Variants in PRH1 observed in about 807,000 individuals in gnomAD.
The protein encoded by PRH1 is proline rich protein HaeIII subfamily 1.
PRH1 carries 7 observed loss-of-function variants against 7.9 expected under a neutral mutation model. The ratio of observed to expected loss-of-function variants is 0.89; its 90% confidence interval spans 0.50 to 1.67. The LOEUF (loss-of-function observed/expected upper bound fraction) is 1.67. PRH1 is among the 40% of genes most tolerant of loss of function. The probability of loss-of-function intolerance (pLI) is 0.00; values close to 1 mark genes in which losing one functional copy is unlikely to be tolerated. For missense variants in PRH1, 109 were observed against 223.6 expected (o/e 0.49, Z 3.27); for synonymous variants, 45 against 80.8 (o/e 0.56, Z 2.38).
intron 1 of PRH1, among the ~76,000 whole-genome samples, chr12:11,024,195 A>G (rs1203115737): frequency 6.6e-6 from 1 of 152,260 alleles, no homozygotes; most frequent in Non-Finnish European, 1.5e-5. Flanking sequence ...TGAGCAGAGT[A>G]ATAATAATTT....
chr12:11,155,176 T>C (rs1403807294), intron 1 of PRH1, among the ~76,000 whole-genome samples: 1 of 152,224 alleles, frequency 6.6e-6, no homozygotes. Flanking sequence ...CAACTTTGAT[T>C]ACATGCAAAT....
chr12:10,898,590 G>A (rs1949681255), intron 2 of PRH1, among the ~76,000 whole-genome samples: 1 of 152,010 alleles, frequency 6.6e-6, no homozygotes, highest in Non-Finnish European at 1.5e-5. Context: ...CTGAAAAGAT[G>A]AACTCTAAAC....
chr12:11,106,893 T>C (rs763002518), intron 1 of PRH1, among the ~76,000 whole-genome samples: 1 of 152,234 alleles, frequency 6.6e-6, no homozygotes, highest in Non-Finnish European at 1.5e-5. Flanking sequence ...AGTATACTAG[T>C]TGTATAACTG....
chr12:10,909,194 C>T, intron 2 of PRH1: 1 of 1,613,674 alleles, frequency 6.2e-7, no homozygotes, highest in Non-Finnish European at 8.5e-7. Flanking sequence ...TTTTACTGAC[C>T]CAGTCAATGC....
chr12:10,998,923 C>T (rs572675123), intron 1 of PRH1, among the ~76,000 whole-genome samples: 84 of 152,132 alleles, frequency 5.5e-4, no homozygotes, highest in African/African-American at 1.8e-3. Flanking sequence ...TGTTCCTTTC[C>T]GGTTTATAAT....
chr12:10,909,497 C>A (rs147654800), intron 2 of PRH1: 151 of 494,054 alleles, frequency 3.1e-4, no homozygotes, highest in East Asian at 2.6e-3. Flanking sequence ...CTGGTGATAT[C>A]TTTATTTTTC....
At chr12:11,033,694 T>C (rs879566564) in intron 1 of PRH1, among the ~76,000 whole-genome samples, 9 of 152,216 alleles carry the variant, frequency 5.9e-5, no homozygotes, top group Non-Finnish European at 1.2e-4. Context: ...AATAAGAAAG[T>C]TCCTATTTCA....
chr12:11,034,073 A>C (rs1942337688), intron 1 of PRH1, among the ~76,000 whole-genome samples: 2 of 79,258 alleles, frequency 2.5e-5, no homozygotes, highest in Non-Finnish European at 2.7e-5. Flanking sequence ...GCAACCCTAA[A>C]CTCCATCGCT....
chr12:11,027,867 C>A (rs563029730), intron 1 of PRH1, among the ~76,000 whole-genome samples: 1 of 152,280 alleles, frequency 6.6e-6, no homozygotes, highest in East Asian at 1.9e-4. Flanking sequence ...GTCTGACAAA[C>A]AAAATAGCAA....
chr12:10,934,453 T>C (rs1950258147), intron 2 of PRH1, among the ~76,000 whole-genome samples: 1 of 152,070 alleles, frequency 6.6e-6, no homozygotes, highest in Admixed American at 6.6e-5. Flanking sequence ...AAAATTCCAA[T>C]TAGGAATTAT....
chr12:10,930,616 G>A (rs373274440), intron 2 of PRH1: 12 of 1,608,172 alleles, frequency 7.5e-6, no homozygotes, highest in Non-Finnish European at 1.0e-5. Context: ...GAAGACAGGA[G>A]GGTTTTCCAG....
At chr12:11,035,270 C>T (rs535078694) in intron 1 of PRH1, among the ~76,000 whole-genome samples, 5 of 143,218 alleles carry the variant, frequency 3.5e-5, no homozygotes, top group South Asian at 2.5e-4. Flanking sequence ...TTCTAATTTT[C>T]GGGAACTGCA....
intron 2 of PRH1, among the ~76,000 whole-genome samples, chr12:10,926,897 A>G (rs1292414608): frequency 2.0e-5 from 3 of 152,156 alleles, no homozygotes; most frequent in African/African-American, 7.2e-5. Flanking sequence ...GTGAACATCC[A>G]TAGTAGAAGG....
At chr12:11,145,648 G>C (rs1946839203) in intron 1 of PRH1, among the ~76,000 whole-genome samples, 1 of 152,172 alleles carries the variant, frequency 6.6e-6, no homozygotes, top group Admixed American at 6.5e-5. Context: ...ACTCCACATA[G>C]AGCACTTCCT....
intron 1 of PRH1, among the ~76,000 whole-genome samples, chr12:11,009,234 T>C (rs888564478): frequency 6.6e-6 from 1 of 151,938 alleles, no homozygotes; most frequent in African/African-American, 2.4e-5. Context: ...TTCCATTGAA[T>C]TCCCGCTTTC....
chr12:10,998,545 C>T (rs541504589), intron 1 of PRH1, among the ~76,000 whole-genome samples: 1 of 152,122 alleles, frequency 6.6e-6, no homozygotes, highest in African/African-American at 2.4e-5. Flanking sequence ...CACACAGACA[C>T]ACACACACTT....
intron 1 of PRH1, among the ~76,000 whole-genome samples, chr12:11,071,917 G>T (rs1197193965): frequency 1.3e-5 from 2 of 152,122 alleles, no homozygotes; most frequent in Non-Finnish European, 1.5e-5. Flanking sequence ...CTGCTCCAAA[G>T]GTGAAGTGGT....
intron 1 of PRH1, among the ~76,000 whole-genome samples, chr12:11,097,008 C>G (rs1252494319): frequency 8.7e-6 from 1 of 114,546 alleles, no homozygotes; most frequent in Non-Finnish European, 2.1e-5. Context: ...CCGTGTTCCC[C>G]AGTATGGTCT....
At chr12:10,963,391 A>G (rs1363819430) in intron 2 of PRH1, among the ~76,000 whole-genome samples, 2 of 152,220 alleles carry the variant, frequency 1.3e-5, no homozygotes, top group East Asian at 3.8e-4. Context: ...GAATTTGCAG[A>G]AAGTATAATT....
Sources: gnomAD v4.1 joint callset for allele counts (sites outside exome capture counted in the v4.1 genomes callset) on GRCh38, gnomAD v4.1.1 for gene constraint, MANE v1.5 for transcripts, NCBI Gene and HGNC (gene_info 2026-07-23, HGNC 2026-07-21) for gene names.